The following TDRD9 variants were observed in gnomAD, a reference collection of about 807,000 sequenced individuals.
TDRD9 encodes the protein ATP-dependent RNA helicase TDRD9.
TDRD9 carries 124 observed loss-of-function variants against 172.6 expected under a neutral mutation model. The observed-to-expected ratio is 0.72, with a 90% CI of 0.62 to 0.83. The LOEUF is 0.83. Ranked by LOEUF, TDRD9 falls within the 40% of genes least tolerant of loss-of-function variation. The pLI is 0.00. For synonymous variants in TDRD9, 619 were observed against 617.1 expected, an observed-to-expected ratio of 1.00 and a Z score of -0.05; for missense variants, 1,479 against 1,714.1, an observed-to-expected ratio of 0.86 and a Z score of 2.42.
chr14:103,953,892 C>T (rs1389584697), intron 1 of TDRD9, among the ~76,000 whole-genome samples: 1 of 152,192 alleles, frequency 6.6e-6, no homozygotes, highest in Non-Finnish European at 1.5e-5. Flanking sequence ...GTCTTCTTTA[C>T]TCAGCCTACT....
At chr14:103,995,341 G>GC (rs57353170) in intron 11 of TDRD9, among the ~76,000 whole-genome samples, 2 of 152,058 alleles carry the variant, frequency 1.3e-5, no homozygotes, top group African/African-American at 4.8e-5. Flanking sequence ...TGACAACGTC[G>GC]CCCCCCTTGA....
Position 103,997,964 on chromosome 14 carries a change from G to A in TDRD9, c.1379-660G>A, listed in dbSNP as rs1407930221. Among the ~76,000 whole-genome samples the A allele has an allele frequency of 6.6e-6, 1 of 152,118 alleles. No individual in the cohort carries two copies. Among genetic ancestry groups the A allele is most frequent in the Non-Finnish European group, 1.5e-5 (1 of 68,008 alleles). ...AACACTCCACAGGTGCTTTGCTGTA[G>A]GGGAGCAGAGGAAATGGGGCAGTAA... On this transcript the variant is annotated intron_variant, in intron 12 of 35. Coordinates refer to ENST00000409874, the MANE Select transcript of TDRD9 (RefSeq NM_153046.3). The surrounding 1 kb of genome is among the most constrained non-coding windows in gnomAD (Gnocchi z 5.1).
chr14:103,987,127 C>T (rs201431248), intron 8 of TDRD9, among the ~76,000 whole-genome samples: 49,415 of 101,158 alleles, frequency 0.49, 8,310 homozygotes, highest in Middle Eastern at 0.54. Flanking sequence ...AATATATACA[C>T]ACACACACAC....
chr14:103,977,525 T>TAAAAA (rs1333737292), intron 7 of TDRD9, among the ~76,000 whole-genome samples: 10 of 128,012 alleles, frequency 7.8e-5, no homozygotes, highest in African/African-American at 2.4e-4. Flanking sequence ...AAAAAAAAAT[T>TAAAAA]GGATTGTTTT....
rs769382355 is a variant in TDRD9 at position 103,994,543 on chromosome 14, A to C, written c.1260A>C (p.Ser420=). 8.7e-6 allele frequency: 14 copies of C among 1,613,768 alleles called. No homozygotes were observed. In the East Asian group the frequency reaches 2.9e-4, roughly 33 times the overall value. Residue 420 remains serine (S), a synonymous_variant, in exon 11 of 36, where the codon TCA becomes TCC. Coordinates refer to ENST00000409874, the MANE Select transcript of TDRD9 (RefSeq NM_153046.3). ...GGTTGCAGGTCTATCCACTCCATTC[A>C]AGTGTGGCTTTAGAAGAACAGAATA... The part of the protein sequence containing the change: ...HKRLQVYPLH[S]SVALEEQNNV...
chr14:103,995,872 C>T (rs555336121), intron 12 of TDRD9, 65 bp downstream of exon 12: 632 of 1,388,154 alleles, frequency 4.6e-4, no homozygotes, highest in Non-Finnish European at 5.4e-4. Flanking sequence ...GCTTATTCAC[C>T]TCACTCAGGA....
intron 29 of TDRD9, 88 bp downstream of exon 29, chr14:104,031,351 GT>G: frequency 8.3e-7 from 1 of 1,211,284 alleles, no homozygotes; most frequent in Non-Finnish European, 1.1e-6. Flanking sequence ...AGTCATGGTG[GT>G]TTTTTCTTTT....
Position 103,980,808 on chromosome 14 carries a change from G to C in TDRD9, c.1011+5255G>C, listed in dbSNP as rs955956042. 6.6e-6 allele frequency among the ~76,000 whole-genome samples: 1 copy of C among 152,180 alleles called. No individual in the cohort carries two copies. Among genetic ancestry groups the C allele is most frequent in the Non-Finnish European group, 1.5e-5 (1 of 68,042 alleles). On this transcript the variant is annotated intron_variant, in intron 7 of 35. Transcript: ENST00000409874. The surrounding 1 kb of genome is among the most constrained non-coding windows in gnomAD (Gnocchi z 4.5). Reference sequence around the variant, plus strand: ...CGTCTTCCCAGATGCTGGCATTACTGCTAGACCAAGGAGCCCTCTGGTGGC... The same window carrying C: ...CGTCTTCCCAGATGCTGGCATTACTCCTAGACCAAGGAGCCCTCTGGTGGC...
At chr14:104,022,506 C>T (rs544777897) in intron 24 of TDRD9, among the ~76,000 whole-genome samples, 176 bp downstream of exon 24, 1 of 152,154 alleles carries the variant, frequency 6.6e-6, no homozygotes, top group Non-Finnish European at 1.5e-5. Flanking sequence ...GCAGGCAGAT[C>T]ACTTGAGCCC....
At chr14:103,952,188 G>GTATATATATA (rs2031921492) in intron 1 of TDRD9, among the ~76,000 whole-genome samples, 7 of 56,738 alleles carry the variant, frequency 1.2e-4, no homozygotes, top group Admixed American at 7.8e-4. Flanking sequence ...GTGCGTGTGT[G>GTATATATATA]TGTATATATA....
chr14:104,008,437 A>G lies in TDRD9; in HGVS notation c.2077A>G (p.Asn693Asp). The change falls in exon 20 of 36, where the codon AAT becomes GAT. Residue 693 changes from asparagine to aspartate, a missense_variant. Transcript: ENST00000409874. ...GGATGAACTTAATTGGGGACGGTTA[A>G]ATTACATTCAAATCAAGAGAATTAG... ...PKDELNWGRLNYIQIKRIREV... is the reference protein window; with the variant it reads ...PKDELNWGRLDYIQIKRIREV... The G allele has an allele frequency of 6.4e-7, 1 of 1,565,038 alleles. No individual in the cohort carries two copies. Among genetic ancestry groups the G allele is most frequent in the Admixed American group, 1.7e-5 (1 of 59,570 alleles).
At position 103,938,216 on chromosome 14, in the gene TDRD9, C is replaced by T. The variant is rs540051383; in HGVS notation, c.215+9492C>T. On this transcript the variant is annotated intron_variant, in intron 1 of 35. Transcript: ENST00000409874. ...ATTGGGCTGGCTAGTAATGCTACCTCGAGAGCCTATTATATGTCGGGGATT... is the reference window on the plus strand; with the variant it reads ...ATTGGGCTGGCTAGTAATGCTACCTTGAGAGCCTATTATATGTCGGGGATT... 1.1e-4 allele frequency among the ~76,000 whole-genome samples: 17 copies of T among 151,862 alleles called. No individual in the cohort carries two copies. In the East Asian group the frequency reaches 3.3e-3, roughly 29 times the overall value.
chr14:103,966,612 A>G (rs2032758508), intron 4 of TDRD9, 97 bp from the exon 5 acceptor site: 2 of 1,180,532 alleles, frequency 1.7e-6, no homozygotes, highest in Non-Finnish European at 2.3e-6. Flanking sequence ...GAAATACCTT[A>G]ATTTTTCATT....
rs200668502 is a variant in TDRD9 at position 104,005,329 on chromosome 14, C to G, written c.1637C>G (p.Pro546Arg). 1 of 1,613,798 alleles carries G rather than the reference C, an allele frequency of 6.2e-7. No individual in the cohort carries two copies. Residue 546 changes from proline (P) to arginine (R), a missense_variant, in exon 15 of 36, where the codon CCG becomes CGG. Physicochemically the swap from Pro to Arg is moderately radical, Grantham distance 103. Coordinates refer to ENST00000409874, the MANE Select transcript of TDRD9 (RefSeq NM_153046.3). ...LKVKLLDMGE[P>R]RALLATALSP... Reference sequence around the variant, plus strand: ...GTGAAATTACTTGACATGGGTGAGCCGAGAGCTCTGCTGGCCACTGCCCTT... The same window carrying G: ...GTGAAATTACTTGACATGGGTGAGCGGAGAGCTCTGCTGGCCACTGCCCTT...
chr14:104,025,704 A>G lies in TDRD9; in HGVS notation c.2859A>G (p.Ala953=), dbSNP rs1566791689. Residue 953 remains alanine (A), a synonymous_variant, in exon 26 of 36, where the codon GCA becomes GCG. Transcript: ENST00000409874. ...THPHPDLVCL[A]PFADFDKQRY... ...CACATCCAGACTTGGTCTGTCTGGC[A>G]CCTTTTGCTGATTTTGATAAACAAC... 3 of 1,613,974 alleles carry G rather than the reference A, an allele frequency of 1.9e-6. No homozygotes were observed. In the East Asian group the frequency reaches 6.7e-5, roughly 36 times the overall value.
chr14:103,962,385 C>G (rs141269407), intron 2 of TDRD9, among the ~76,000 whole-genome samples: 6 of 152,308 alleles, frequency 3.9e-5, no homozygotes, highest in African/African-American at 1.4e-4. Context: ...GAAGGCAGTG[C>G]TGAGCTTGCA....
rs1001109206 is a variant in TDRD9 at position 103,965,225 on chromosome 14, C to G, written c.421-108C>G. 1.8e-5 allele frequency: 22 copies of G among 1,216,484 alleles called. No individual in the cohort carries two copies. In the Admixed American group the frequency reaches 4.9e-4, roughly 27 times the overall value. The allele number at this position is 1,216,484 out of a possible 1,614,324, so 75.4% of individuals were successfully genotyped here. A position where few individuals can be genotyped will look rare whatever the true frequency, so the allele number is the denominator to read the frequency against. On this transcript the variant is annotated intron_variant, in intron 3 of 35. Transcript: ENST00000409874. ...AGACTCCATCTCAAACAAAACAAAA[C>G]AAAACTTTAAGATGAAAGAAAAATA... is the stretch of plus-strand genomic sequence containing the variant.
intron 1 of TDRD9, among the ~76,000 whole-genome samples, chr14:103,929,408 T>A (rs1311901779): frequency 6.6e-6 from 1 of 152,130 alleles, no homozygotes; most frequent in Non-Finnish European, 1.5e-5. Flanking sequence ...CCTCCATGCC[T>A]TTCCATGGTT....
At chr14:104,012,205 T>A (rs1889551648) in intron 20 of TDRD9, among the ~76,000 whole-genome samples, 1 of 152,090 alleles carries the variant, frequency 6.6e-6, no homozygotes, top group Non-Finnish European at 1.5e-5. Context: ...CCGTCAATCA[T>A]ATTCTAGCGT....
Sources: allele counts gnomAD v4.1 joint callset (sites outside exome capture counted in the v4.1 genomes callset), GRCh38; gene constraint gnomAD v4.1.1; non-coding constraint Gnocchi (gnomAD v3.1); transcripts MANE v1.5; gene names NCBI Gene and HGNC (gene_info 2026-07-23, HGNC 2026-07-21).